Variants in ICA1 observed in about 807,000 individuals in gnomAD.
ICA1 encodes the protein islet cell autoantigen 1.
ICA1 carries 40 observed loss-of-function variants against 71.0 expected under a neutral mutation model. That is an observed-to-expected ratio of 0.56 (90% CI 0.44 to 0.73). ICA1 has a LOEUF of 0.73. Among genes scored for constraint, ICA1 ranks in the 30% least tolerant of loss-of-function variants. The probability of loss-of-function intolerance (pLI) is 0.00; values close to 1 mark genes in which losing one functional copy is unlikely to be tolerated. For missense variants in ICA1, 578 were observed against 576.5 expected, an observed-to-expected ratio of 1.00 and a Z score of -0.03; for synonymous variants, 207 against 209.5, an observed-to-expected ratio of 0.99 and a Z score of 0.10.
intron 13 of ICA1, among the ~76,000 whole-genome samples, chr7:8,115,728 C>A (rs1289909817): frequency 6.6e-6 from 1 of 152,212 alleles, no homozygotes; most frequent in Admixed American, 6.5e-5. Context: ...GTCAGTGATA[C>A]CAAAGAAACA....
In ICA1 at chr7:8,157,229, A is replaced by T; in HGVS notation, c.706-15T>A. ...AGCAGAGTGGTCTGCAAAGAAAGACAGTAAAGCTATTAATGTTTTGAATGC... is the reference window on the plus strand; with the variant it reads ...AGCAGAGTGGTCTGCAAAGAAAGACTGTAAAGCTATTAATGTTTTGAATGC... On this transcript the variant is annotated splice_polypyrimidine_tract_variant and intron_variant, in intron 7 of 13. Transcript: ENST00000402384. 1 of 1,586,144 alleles carries T rather than the reference A, an allele frequency of 6.3e-7. No individual in the cohort carries two copies. Among genetic ancestry groups the T allele is most frequent in the Non-Finnish European group, 8.5e-7 (1 of 1,170,100 alleles).
chr7:8,213,404 A>C (rs1486207106), intron 6 of ICA1, among the ~76,000 whole-genome samples: 4 of 152,222 alleles, frequency 2.6e-5, no homozygotes, highest in Non-Finnish European at 4.4e-5. Flanking sequence ...ACTCAACACA[A>C]CTCACTGGCA....
At chr7:8,165,995 GT>G (rs1479269075) in intron 6 of ICA1, among the ~76,000 whole-genome samples, 3 of 152,106 alleles carry the variant, frequency 2.0e-5, no homozygotes, top group Non-Finnish European at 2.9e-5. Flanking sequence ...AATGCCATTC[GT>G]TACAGAAGTA....
At chr7:8,228,763 T>C in intron 3 of ICA1, 90 bp from the exon 4 acceptor site, 2 of 827,058 alleles carry the variant, frequency 2.4e-6, no homozygotes, top group Non-Finnish European at 3.8e-6. Flanking sequence ...AGTGTTCAAT[T>C]TGCCAAAAAC....
At chr7:8,165,757 G>A (rs1805698038) in intron 6 of ICA1, among the ~76,000 whole-genome samples, 1 of 152,174 alleles carries the variant, frequency 6.6e-6, no homozygotes, top group Non-Finnish European at 1.5e-5. Context: ...AATCAAGAAT[G>A]CAATCCCATT....
intron 1 of ICA1, 58 bp from the exon 2 acceptor site, chr7:8,236,063 G>C: frequency 1.1e-6 from 1 of 917,114 alleles, no homozygotes; most frequent in South Asian, 1.7e-5. Flanking sequence ...ACATATTAAT[G>C]TGACACACAT....
At chr7:8,259,189 T>TCATCTTGTTAA (rs1811340095) in intron 1 of ICA1, among the ~76,000 whole-genome samples, 1 of 152,146 alleles carries the variant, frequency 6.6e-6, no homozygotes, top group African/African-American at 2.4e-5. Flanking sequence ...GTTAACATAC[T>TCATCTTGTTAA]CATGGAGATC....
chr7:8,224,511 A>G (rs566160077), intron 4 of ICA1, among the ~76,000 whole-genome samples: 1 of 152,240 alleles, frequency 6.6e-6, no homozygotes, highest in South Asian at 2.1e-4. Context: ...AATTACAAAC[A>G]GTATATAGAG....
chr7:8,158,831 G>A (rs1368531410), intron 6 of ICA1, among the ~76,000 whole-genome samples, 179 bp from the exon 7 acceptor site: 4 of 152,180 alleles, frequency 2.6e-5, no homozygotes, highest in African/African-American at 9.7e-5. Flanking sequence ...AGCCAAATGA[G>A]AGTACTGCAT....
chr7:8,140,547 G>A (rs1794858985), intron 10 of ICA1, among the ~76,000 whole-genome samples: 1 of 152,190 alleles, frequency 6.6e-6, no homozygotes, highest in Non-Finnish European at 1.5e-5. Context: ...GGATTACTTT[G>A]GTAATGATTA....
intron 6 of ICA1, among the ~76,000 whole-genome samples, chr7:8,181,418 CTCTA>C (rs1024842047): frequency 3.9e-5 from 6 of 152,028 alleles, no homozygotes; most frequent in African/African-American, 1.2e-4. Flanking sequence ...AATGTAAGTC[CTCTA>C]TCTTTGTTCT....
At position 8,132,041 on chromosome 7, in the gene ICA1, T is replaced by C. The variant is rs1044353016; in HGVS notation, c.1061-3899A>G. On this transcript the variant is annotated intron_variant, in intron 12 of 13. Coordinates refer to ENST00000402384, the MANE Select transcript of ICA1 (RefSeq NM_001136020.3). This position sits in a 1 kb window ranked among gnomAD's most constrained non-coding sequence, Gnocchi z 4.5. ...CCAAACCCACAGATGCTACACCAAG[T>C]TCCCTTCACTCTCTTGCAGGCTCCC... Among the ~76,000 whole-genome samples, 3 of 152,158 alleles carry C rather than the reference T, an allele frequency of 2.0e-5. No homozygotes were observed. The highest frequency in any genetic ancestry group is 7.2e-5 in the African/African-American group (3 of 41,434).
intron 6 of ICA1, 125 bp from the exon 7 acceptor site, chr7:8,158,777 A>G: frequency 1.1e-6 from 1 of 916,092 alleles, no homozygotes; most frequent in Non-Finnish European, 1.6e-6. Context: ...AAAATTCCAG[A>G]CAAATGGGAA....
intron 6 of ICA1, among the ~76,000 whole-genome samples, chr7:8,179,738 C>T (rs1334962183): frequency 6.6e-6 from 1 of 152,006 alleles, no homozygotes; most frequent in Non-Finnish European, 1.5e-5. Flanking sequence ...AATATACTTT[C>T]CTGAGGAAGG....
intron 13 of ICA1, among the ~76,000 whole-genome samples, chr7:8,124,161 C>T (rs1448610786): frequency 6.9e-6 from 1 of 145,246 alleles, no homozygotes; most frequent in Admixed American, 6.9e-5. Context: ...CGCTCTGTCG[C>T]CCAGGCTGGA....
chr7:8,140,236 G>A (rs532978901), intron 10 of ICA1, among the ~76,000 whole-genome samples: 31 of 152,274 alleles, frequency 2.0e-4, no homozygotes, highest in African/African-American at 5.8e-4. Flanking sequence ...TGAGGCTGGA[G>A]AGCTTGCATC....
intron 1 of ICA1, among the ~76,000 whole-genome samples, chr7:8,244,135 A>G (rs1805018445): frequency 6.6e-6 from 1 of 152,244 alleles, no homozygotes; most frequent in South Asian, 2.1e-4. Context: ...ACCTGGAGGC[A>G]TCACGCTACC....
rs1797786887 is a variant in ICA1 at position 8,223,748 on chromosome 7, C to T, written c.257-2350G>A. ...TTCAAGACCAGCCTGTGCAACATAGCAAGACCCCTGTCTCTATTACAAGAA... is the reference window on the plus strand; with the variant it reads ...TTCAAGACCAGCCTGTGCAACATAGTAAGACCCCTGTCTCTATTACAAGAA... On this transcript the variant is annotated intron_variant, in intron 4 of 13. Transcript: ENST00000402384. The surrounding 1 kb of genome is among the most constrained non-coding windows in gnomAD (Gnocchi z 4.1). Among the ~76,000 whole-genome samples, 1 of 152,050 alleles carries T rather than the reference C, an allele frequency of 6.6e-6. No homozygotes were observed. Among genetic ancestry groups the T allele is most frequent in the African/African-American group, 2.4e-5 (1 of 41,404 alleles).
chr7:8,117,841 T>C (rs1228985495), intron 13 of ICA1, among the ~76,000 whole-genome samples: 3 of 152,194 alleles, frequency 2.0e-5, no homozygotes, highest in African/African-American at 7.2e-5. Flanking sequence ...AAGTATAGGA[T>C]TTAATGCCAC....
Sources: gnomAD v4.1 joint callset for allele counts (sites outside exome capture counted in the v4.1 genomes callset) on GRCh38, gnomAD v4.1.1 for gene constraint, Gnocchi (gnomAD v3.1) non-coding constraint, MANE v1.5 for transcripts, NCBI Gene and HGNC (gene_info 2026-07-23, HGNC 2026-07-21) for gene names.